The following PTK2B variants were observed in gnomAD, a reference collection of about 807,000 sequenced individuals.
The protein encoded by PTK2B is protein-tyrosine kinase 2-beta.
PTK2B carries 71 observed loss-of-function variants against 142.9 expected under a neutral mutation model. The ratio of observed to expected loss-of-function variants is 0.50; its 90% CI spans 0.41 to 0.61. The LOEUF (loss-of-function observed/expected upper bound fraction) is 0.61, where lower values mean the gene tolerates loss of function less well. Among genes scored for constraint, PTK2B ranks in the 20% least tolerant of loss-of-function variants. PTK2B has a pLI of 0.00. For missense variants in PTK2B, 1,105 were observed against 1,320.4 expected (o/e 0.84, Z 2.53); for synonymous variants, 519 against 503.4 (o/e 1.03, Z -0.42).
At chr8:27,364,796 T>C (rs1805920693) in intron 1 of PTK2B, among the ~76,000 whole-genome samples, 2 of 152,264 alleles carry the variant, frequency 1.3e-5, no homozygotes, top group Non-Finnish European at 2.9e-5. Context: ...TCAATTCCTG[T>C]GGATTCCACC....
At chr8:27,430,023 T>G in intron 5 of PTK2B, 70 bp from the exon 6 acceptor site, 44 of 1,421,382 alleles carry the variant, frequency 3.1e-5, no homozygotes, top group Middle Eastern at 1.8e-4. Flanking sequence ...TCTGGTGGCA[T>G]GAGGTGCCCT....
At chr8:27,412,160 C>CATT (rs1563263405) in intron 2 of PTK2B, among the ~76,000 whole-genome samples, 1 of 124,890 alleles carries the variant, frequency 8.0e-6, no homozygotes, top group Admixed American at 8.1e-5. Context: ...ATACAGGCAT[C>CATT]GTTGATTGAT....
chr8:27,419,071 G>A (rs1441640442), intron 2 of PTK2B, among the ~76,000 whole-genome samples: 2 of 152,098 alleles, frequency 1.3e-5, no homozygotes, highest in South Asian at 2.1e-4. Flanking sequence ...AACTAGGCAG[G>A]GCCTTACAGA....
At chr8:27,330,186 A>G (rs1024443337) in intron 1 of PTK2B, among the ~76,000 whole-genome samples, 3 of 152,316 alleles carry the variant, frequency 2.0e-5, no homozygotes, top group African/African-American at 7.2e-5. Flanking sequence ...CCCACTGAAT[A>G]ATAATAGCGT....
Position 27,404,793 on chromosome 8 carries a change from A to G in PTK2B, c.204+7005A>G, listed in dbSNP as rs190223781. 9.9e-5 allele frequency among the ~76,000 whole-genome samples: 15 copies of G among 152,196 alleles called. 1 individual carries two copies. The East Asian group carries it at 1.4e-3, about 14-fold the overall frequency. On this transcript the variant is annotated intron_variant, in intron 2 of 30. Coordinates refer to ENST00000346049, the MANE Select transcript of PTK2B (RefSeq NM_173176.3). ...TTTGAGTTTAATCTATTGTTACTCAACCAGACACAAGGTGCACAGGGTGTT... is the reference window on the plus strand; with the variant it reads ...TTTGAGTTTAATCTATTGTTACTCAGCCAGACACAAGGTGCACAGGGTGTT...
At chr8:27,430,213 C>T in intron 6 of PTK2B, 58 bp downstream of exon 6, 1 of 1,583,888 alleles carries the variant, frequency 6.3e-7, no homozygotes, top group Middle Eastern at 1.7e-4. Flanking sequence ...TGTACTTTTC[C>T]TCCTCACCCT....
intron 1 of PTK2B, among the ~76,000 whole-genome samples, chr8:27,335,612 A>G (rs1041389734): frequency 2.0e-3 from 307 of 151,884 alleles, no homozygotes; most frequent in Non-Finnish European, 3.3e-3. Flanking sequence ...AAAAAAAAAA[A>G]AAGAGAAAAG....
chr8:27,347,761 C>T (rs747180416), intron 1 of PTK2B, among the ~76,000 whole-genome samples: 30 of 152,194 alleles, frequency 2.0e-4, no homozygotes, highest in Middle Eastern at 3.2e-3. Flanking sequence ...TTTTGGGGGA[C>T]ACAATTCAGC....
chr8:27,380,417 G>A (rs1419399376), intron 1 of PTK2B, among the ~76,000 whole-genome samples: 2 of 152,152 alleles, frequency 1.3e-5, no homozygotes, highest in Admixed American at 6.5e-5. Context: ...AGAGCTGCCT[G>A]CAGGGGGATT....
chr8:27,409,684 C>T (rs1437301194), intron 2 of PTK2B, among the ~76,000 whole-genome samples: 1 of 152,200 alleles, frequency 6.6e-6, no homozygotes. Flanking sequence ...ATTTTGTCCT[C>T]AACCTCAGAG....
intron 1 of PTK2B, among the ~76,000 whole-genome samples, chr8:27,354,078 C>A (rs548197179): frequency 3.2e-4 from 49 of 152,200 alleles, no homozygotes; most frequent in Non-Finnish European, 6.8e-4. Flanking sequence ...TCTCTCACAT[C>A]TCTGGCTGTC....
chr8:27,387,483 C>A (rs1027226740), intron 1 of PTK2B, among the ~76,000 whole-genome samples: 11 of 152,214 alleles, frequency 7.2e-5, no homozygotes, highest in Non-Finnish European at 2.9e-5. Flanking sequence ...CCGTTCAAAA[C>A]CAGCAATCCA....
intron 2 of PTK2B, among the ~76,000 whole-genome samples, chr8:27,417,360 T>C (rs1809463612): frequency 6.6e-6 from 1 of 152,134 alleles, no homozygotes; most frequent in Non-Finnish European, 1.5e-5. Context: ...ATTCCATTTA[T>C]ACGAAGTTCT....
chr8:27,323,183 C>T (rs968612027), upstream of PTK2B: 10 of 152,348 alleles, frequency 6.6e-5, no homozygotes, highest in African/African-American at 2.4e-4. Context: ...ACTCCCAGGA[C>T]TTAGAGATTG....
intron 1 of PTK2B, among the ~76,000 whole-genome samples, chr8:27,336,695 C>G (rs948516051): frequency 2.0e-5 from 3 of 152,222 alleles, no homozygotes; most frequent in Admixed American, 6.5e-5. Flanking sequence ...TGTAACTGTT[C>G]ACTCCCATCT....
chr8:27,390,162 CA>C (rs1331222017), intron 1 of PTK2B, among the ~76,000 whole-genome samples: 1 of 152,048 alleles, frequency 6.6e-6, no homozygotes, highest in African/African-American at 2.4e-5. Flanking sequence ...TCGAGACAGG[CA>C]ATGGGGCTGT....
intron 5 of PTK2B, 83 bp from the exon 6 acceptor site, chr8:27,430,010 G>A (rs1345239261): frequency 1.6e-6 from 2 of 1,247,658 alleles, no homozygotes; most frequent in African/African-American, 1.5e-5. Flanking sequence ...GGGGAAGGGG[G>A]CTTCTGGTGG....
intron 21 of PTK2B, 34 bp from the exon 22 acceptor site, chr8:27,442,841 A>T (rs979505314): frequency 1.3e-6 from 2 of 1,574,400 alleles, no homozygotes; most frequent in Non-Finnish European, 1.7e-6. Flanking sequence ...ACTTTGACCT[A>T]GTTTCTCTCC....
chr8:27,425,433 T>C (rs1398633223), intron 5 of PTK2B, among the ~76,000 whole-genome samples: 1 of 152,186 alleles, frequency 6.6e-6, no homozygotes, highest in East Asian at 1.9e-4. Context: ...CTTCTTTTGT[T>C]TGTTTATTTT....
Sources: gnomAD v4.1 joint callset for allele counts (sites outside exome capture counted in the v4.1 genomes callset) on GRCh38, gnomAD v4.1.1 for gene constraint, MANE v1.5 for transcripts, NCBI Gene and HGNC (gene_info 2026-07-23, HGNC 2026-07-21) for gene names.